Variants in HMMR observed in about 807,000 individuals in gnomAD.
HMMR encodes the protein intracellular hyaluronic acid-binding protein.
HMMR carries 108 observed loss-of-function variants against 101.0 expected under a neutral mutation model. The ratio of observed to expected loss-of-function variants is 1.07; its 90% CI spans 0.92 to 1.25. HMMR has a LOEUF of 1.25. Among genes scored for constraint, HMMR ranks in the 50% most tolerant of loss-of-function variants. The pLI, the probability that HMMR is intolerant of heterozygous loss-of-function variation, is 0.00. For missense variants in HMMR, 813 were observed against 788.7 expected, an observed-to-expected ratio of 1.03 and a Z score of -0.37; for synonymous variants, 296 against 276.4, an observed-to-expected ratio of 1.07 and a Z score of -0.70.
In HMMR at chr5:163,470,857, G is replaced by T. The variant is rs1367970573; in HGVS notation, c.463-328G>T. 3.9e-5 allele frequency among the ~76,000 whole-genome samples: 6 copies of T among 152,052 alleles called. No individual in the cohort carries two copies. In the East Asian group the frequency reaches 1.2e-3, roughly 29 times the overall value. On this transcript the variant is annotated intron_variant, in intron 5 of 17. Transcript: ENST00000393915. ...AATTGAAAAATTAGCTAGGCATGGT[G>T]GTGGTGCACACCGGTAATCCCAGCT...
At chr5:163,474,705 A>T in intron 10 of HMMR, 1 of 397,502 alleles carries the variant, frequency 2.5e-6, no homozygotes, top group Non-Finnish European at 4.9e-6. Flanking sequence ...AGTAGAAATA[A>T]TATTTTTTTC....
intron 2 of HMMR, among the ~76,000 whole-genome samples, chr5:163,464,344 G>C (rs1482495711): frequency 6.6e-6 from 1 of 152,222 alleles, no homozygotes; most frequent in Non-Finnish European, 1.5e-5. Flanking sequence ...GGCCGGGCAA[G>C]GTGGCTCGTG....
At chr5:163,468,954 C>T (rs891110436) in intron 4 of HMMR, among the ~76,000 whole-genome samples, 1 of 152,036 alleles carries the variant, frequency 6.6e-6, no homozygotes, top group Non-Finnish European at 1.5e-5. Context: ...GTACATTCTC[C>T]TCAGAAGCCC....
intron 12 of HMMR, among the ~76,000 whole-genome samples, chr5:163,482,016 A>T (rs904140423): frequency 6.6e-6 from 1 of 152,232 alleles, no homozygotes; most frequent in South Asian, 2.1e-4. Flanking sequence ...CCCAGGTTCA[A>T]GTGATTCTCC....
Position 163,484,108 on chromosome 5 carries a change from T to C in HMMR, c.1825T>C (p.Leu609=), listed in dbSNP as rs1181913545. The change falls in exon 16 of 18, where the codon TTG becomes CTG. Residue 609 remains leucine (L), a synonymous_variant. Coordinates refer to ENST00000393915, the MANE Select transcript of HMMR (RefSeq NM_001142556.2). ...DAFEVEKQAL[L]NEHGAAQEQL... is the part of the protein sequence containing the mutation. ...TTTTGAAGTAGAAAAACAGGCATTG[T>C]TGAATGAACATGGTGCAGCTCAGGA... The C allele has an allele frequency of 1.9e-6, 3 of 1,599,094 alleles. No individual in the cohort carries two copies. The highest frequency in any genetic ancestry group is 2.6e-6 in the Non-Finnish European group (3 of 1,173,826).
At chr5:163,471,104 T>C (rs1392656724) in intron 5 of HMMR, 81 bp from the exon 6 acceptor site, 11 of 848,806 alleles carry the variant, frequency 1.3e-5, no homozygotes, top group Non-Finnish European at 1.9e-5. Flanking sequence ...CAGTGATAGG[T>C]AGAAAAATCA....
chr5:163,464,841 A>C (rs749199275), intron 3 of HMMR, 39 bp downstream of exon 3: 2 of 1,247,108 alleles, frequency 1.6e-6, no homozygotes, highest in East Asian at 2.3e-5. Flanking sequence ...TATCAAGTGT[A>C]TCATCAAAAA....
chr5:163,474,405 G>A, intron 10 of HMMR, 200 bp downstream of exon 10: 1 of 555,450 alleles, frequency 1.8e-6, no homozygotes, highest in Non-Finnish European at 3.3e-6. Context: ...TATGAATAAT[G>A]TGGGAAAATG....
At chr5:163,488,064 C>T (rs149799373) in intron 16 of HMMR, among the ~76,000 whole-genome samples, 305 of 152,276 alleles carry the variant, frequency 2.0e-3, no homozygotes, top group African/African-American at 6.9e-3. Flanking sequence ...CCATGTTGCC[C>T]AGGCTGGTCT....
chr5:163,460,802 C>G, intron 1 of HMMR, 64 bp downstream of exon 1: 5 of 1,478,252 alleles, frequency 3.4e-6, no homozygotes, highest in Non-Finnish European at 4.7e-6. Flanking sequence ...TCTTTCAGCT[C>G]CCTTCTTGGG....
At chr5:163,467,806 A>G (rs1439394720) in intron 4 of HMMR, 58 bp downstream of exon 4, 4 of 1,071,362 alleles carry the variant, frequency 3.7e-6, no homozygotes, top group Non-Finnish European at 1.4e-6. Flanking sequence ...AGTTACACAG[A>G]TTTAAGAGAT....
chr5:163,478,381 G>T (rs1759137889), intron 11 of HMMR, among the ~76,000 whole-genome samples: 1 of 152,142 alleles, frequency 6.6e-6, no homozygotes. Flanking sequence ...GTAATCTTTT[G>T]CAGTCTTTAG....
intron 11 of HMMR, among the ~76,000 whole-genome samples, chr5:163,478,337 T>G (rs920459930): frequency 3.9e-5 from 6 of 152,194 alleles, no homozygotes; most frequent in Non-Finnish European, 7.4e-5. Context: ...ATGGAGAGAA[T>G]GAAACTTTAT....
chr5:163,479,637 T>G (rs988718396), intron 12 of HMMR, among the ~76,000 whole-genome samples: 4 of 152,206 alleles, frequency 2.6e-5, no homozygotes, highest in Non-Finnish European at 5.9e-5. Flanking sequence ...CGCTCCAGCC[T>G]GGGTGACAGA....
intron 3 of HMMR, among the ~76,000 whole-genome samples, chr5:163,465,392 G>C (rs1758664913): frequency 1.3e-5 from 2 of 151,904 alleles, no homozygotes; most frequent in Admixed American, 6.6e-5. Context: ...AAAGTGCAGT[G>C]GCGCCATCTC....
Position 163,490,516 on chromosome 5 carries a change from A to G in HMMR, c.2089A>G (p.Lys697Glu), listed in dbSNP as rs1324108857. 2 of 1,603,524 alleles carry G rather than the reference A, an allele frequency of 1.2e-6. No individual in the cohort carries two copies. The highest frequency in any genetic ancestry group is 2.3e-5 in the South Asian group (2 of 88,292). The stretch of plus-strand genomic sequence containing the variant: ...TTCAAAGGCTTTTCATCATGAAAGT[A>G]AAGAAAATTTTGCCCTGAAGACCCC... ...DPSKAFHHESKENFALKTPLK... is the reference protein window; with the variant it reads ...DPSKAFHHESEENFALKTPLK... The change falls in exon 17 of 18, where the codon AAA becomes GAA. Residue 697 changes from lysine to glutamate, a missense_variant. Transcript: ENST00000393915.
At chr5:163,486,956 G>A (rs1310122354) in intron 16 of HMMR, among the ~76,000 whole-genome samples, 1 of 152,170 alleles carries the variant, frequency 6.6e-6, no homozygotes, top group Non-Finnish European at 1.5e-5. Flanking sequence ...GCGGGCGCCT[G>A]TAATCCCAGC....
Position 163,482,790 on chromosome 5 carries a change from T to C in HMMR, c.1532+2T>C. The C allele has an allele frequency of 6.2e-7, 1 of 1,611,198 alleles. No homozygotes were observed. The highest frequency in any genetic ancestry group is 8.5e-7 in the Non-Finnish European group (1 of 1,177,676). ...GAGCTCAAATCAAGAATATGTAAGG[T>C]ATATAGAGCAAATAATGGCCTTAGA... On this transcript the variant is annotated splice_donor_variant, in intron 13 of 17. Coordinates refer to ENST00000393915, the MANE Select transcript of HMMR (RefSeq NM_001142556.2). LOFTEE classifies it high-confidence loss of function.
intron 1 of HMMR, among the ~76,000 whole-genome samples, chr5:163,461,451 C>G (rs547063645): frequency 1.4e-4 from 21 of 152,216 alleles, no homozygotes; most frequent in Non-Finnish European, 2.6e-4. Context: ...CAATGCACAG[C>G]ACAGTAACCA....
Sources: gnomAD v4.1 joint callset for allele counts (sites outside exome capture counted in the v4.1 genomes callset) on GRCh38, gnomAD v4.1.1 for gene constraint, MANE v1.5 for transcripts, NCBI Gene and HGNC (gene_info 2026-07-23, HGNC 2026-07-21) for gene names.